The following PPP1R37 variants were observed in gnomAD, a reference collection of about 807,000 sequenced individuals.
PPP1R37 encodes protein phosphatase 1 regulatory subunit 37.
A neutral mutation model predicts 61.0 loss-of-function variants in PPP1R37; 21 were observed. That is an observed-to-expected ratio of 0.34 (90% confidence interval 0.24 to 0.50). The LOEUF (loss-of-function observed/expected upper bound fraction) is 0.50. PPP1R37 is among the 20% of genes least tolerant of loss of function. PPP1R37 has a pLI of 0.98. For synonymous variants in PPP1R37, 443 were observed against 433.5 expected, an observed-to-expected ratio of 1.02 and a Z score of -0.27; for missense variants, 910 against 952.7, an observed-to-expected ratio of 0.96 and a Z score of 0.59.
intron 1 of PPP1R37, among the ~76,000 whole-genome samples, chr19:45,109,949 T>C (rs962269930): frequency 2.0e-5 from 3 of 152,158 alleles, no homozygotes; most frequent in African/African-American, 7.2e-5. Context: ...GCCTGGACTT[T>C]TGTGTGGCTC....
At chr19:45,117,373 G>T (rs1328178516) in intron 1 of PPP1R37, among the ~76,000 whole-genome samples, 1 of 152,312 alleles carries the variant, frequency 6.6e-6, no homozygotes, top group East Asian at 1.9e-4. Context: ...TGGGCGAGCC[G>T]AGGGTGAGCC....
chr19:45,118,959 CTT>C (rs879838641), intron 1 of PPP1R37, among the ~76,000 whole-genome samples: 3 of 146,720 alleles, frequency 2.0e-5, no homozygotes, highest in Admixed American at 6.8e-5. Context: ...GCAGCTGCTG[CTT>C]TTTTTTTTTT....
chr19:45,137,833 CA>C (rs5828228), intron 1 of PPP1R37, among the ~76,000 whole-genome samples: 145 of 106,086 alleles, frequency 1.4e-3, no homozygotes, highest in South Asian at 1.6e-3. Context: ...TACAAAAATA[CA>C]AAAAAAAAAA....
intron 1 of PPP1R37, among the ~76,000 whole-genome samples, chr19:45,114,185 C>G (rs1342300995): frequency 6.6e-6 from 1 of 152,242 alleles, no homozygotes; most frequent in African/African-American, 2.4e-5. Context: ...TTGCCTGTGT[C>G]AACTGGGGTC....
Position 45,145,564 on chromosome 19 carries a change from C to G in PPP1R37, c.1508C>G (p.Pro503Arg). 1 of 1,535,424 alleles carries G rather than the reference C, an allele frequency of 6.5e-7. No homozygotes were observed. Among genetic ancestry groups the G allele is most frequent in the Non-Finnish European group, 8.7e-7 (1 of 1,146,648 alleles). Residue 503 changes from proline to arginine, a missense_variant, in exon 11 of 13, where the codon CCG becomes CGG. Physicochemically the swap from Pro to Arg is moderately radical, Grantham distance 103. Coordinates refer to ENST00000221462, the MANE Select transcript of PPP1R37 (RefSeq NM_019121.2). ...QNGAPSPAPS[P>R]DSDSDSDSDG... ...GGGGCCCCCAGCCCCGCACCCAGCC[C>G]GGACTCAGACTCAGACTCGGACTCG...
chr19:45,143,774 C>T (rs73562286), intron 8 of PPP1R37, 141 bp downstream of exon 8: 6,451 of 547,360 alleles, frequency 0.012, 293 homozygotes, highest in African/African-American at 0.11. Context: ...TCAGCCCCAC[C>T]TGCTTCCTCA....
At chr19:45,145,315 G>A in intron 10 of PPP1R37, 38 bp from the exon 11 acceptor site, 6 of 1,522,804 alleles carry the variant, frequency 3.9e-6, no homozygotes, top group Non-Finnish European at 5.3e-6. Context: ...GGGTGGTGGG[G>A]CCGGCCTGAG....
intron 2 of PPP1R37, among the ~76,000 whole-genome samples, 178 bp from the exon 3 acceptor site, chr19:45,140,058 G>C (rs943401949): frequency 6.6e-6 from 1 of 152,240 alleles, no homozygotes; most frequent in African/African-American, 2.4e-5. Flanking sequence ...TTCTCTCGCT[G>C]TCTAAGGCCC....
intron 1 of PPP1R37, among the ~76,000 whole-genome samples, chr19:45,109,982 C>A (rs766643213): frequency 9.5e-4 from 145 of 152,296 alleles, no homozygotes; most frequent in Non-Finnish European, 1.7e-3. Context: ...GGCCTCCTGT[C>A]CCCATCCAGT....
chr19:45,100,377 C>T (rs921784747), intron 1 of PPP1R37: 2 of 152,212 alleles, frequency 1.3e-5, no homozygotes, highest in Non-Finnish European at 2.9e-5. Context: ...TTCTGGCTGA[C>T]CTTAGTCATC....
chr19:45,112,684 A>G (rs1009348901), intron 1 of PPP1R37, among the ~76,000 whole-genome samples: 7 of 151,948 alleles, frequency 4.6e-5, no homozygotes, highest in African/African-American at 1.7e-4. Context: ...CCCCAGCTCT[A>G]CCTACTCTGG....
chr19:45,131,400 G>A (rs1202304643), intron 1 of PPP1R37, among the ~76,000 whole-genome samples: 3 of 152,210 alleles, frequency 2.0e-5, no homozygotes, highest in Admixed American at 1.3e-4. Flanking sequence ...GGCCAGACAA[G>A]GGAGCCGAGA....
chr19:45,112,661 G>A (rs1968216564), intron 1 of PPP1R37, among the ~76,000 whole-genome samples: 1 of 152,204 alleles, frequency 6.6e-6, no homozygotes, highest in African/African-American at 2.4e-5. Context: ...GTCTGGGTTA[G>A]GGGTTTCCTT....
chr19:45,104,848 C>T (rs936718566), intron 1 of PPP1R37, among the ~76,000 whole-genome samples: 2 of 152,134 alleles, frequency 1.3e-5, no homozygotes, highest in African/African-American at 4.8e-5. Flanking sequence ...GCAGGCAGCT[C>T]CCCACATCCT....
intron 1 of PPP1R37, among the ~76,000 whole-genome samples, chr19:45,120,935 C>T (rs1179216407): frequency 6.6e-6 from 1 of 152,200 alleles, no homozygotes; most frequent in Non-Finnish European, 1.5e-5. Flanking sequence ...GTACTTTTGA[C>T]TGGTCTTGCC....
chr19:45,105,887 A>G (rs1019079542), intron 1 of PPP1R37, among the ~76,000 whole-genome samples: 2 of 152,210 alleles, frequency 1.3e-5, no homozygotes, highest in East Asian at 1.9e-4. Flanking sequence ...ATGTTGTTCC[A>G]TTAAAATGGA....
At chr19:45,109,074 A>G (rs896724983) in intron 1 of PPP1R37, among the ~76,000 whole-genome samples, 1 of 152,102 alleles carries the variant, frequency 6.6e-6, no homozygotes, top group East Asian at 1.9e-4. Context: ...GCCCGACCTA[A>G]CCTGTTTATT....
rs779468781 is a variant in PPP1R37, at chr19:45,145,162, G to A, written c.1198G>A (p.Glu400Lys). Residue 400 changes from glutamate (E) to lysine (K), a missense_variant, in exon 10 of 13, where the codon GAG (glutamate) becomes AAG (lysine). Physicochemically the swap from Glu to Lys is moderately conservative, Grantham distance 56. This residue lies in a region of PPP1R37 where 549 missense variants were observed against 505.1 expected (regional missense o/e 1.09). Transcript: ENST00000221462. ...CCTGAGACTGGACCTTCGGGAGAAC[G>A]AGATCAAGACAGGCGGGCTCATGGC... ...RLLRLDLREN[E>K]IKTGGLMALS... 2 of 1,535,062 alleles carry A rather than the reference G, an allele frequency of 1.3e-6. No individual in the cohort carries two copies. Among genetic ancestry groups the A allele is most frequent in the African/African-American group, 1.4e-5 (1 of 72,970 alleles).
chr19:45,098,230 C>T (rs986729197), intron 1 of PPP1R37, among the ~76,000 whole-genome samples: 8 of 152,152 alleles, frequency 5.3e-5, no homozygotes, highest in Non-Finnish European at 1.0e-4. Context: ...GCGAGCTAGC[C>T]GGCTGCACTG....
Sources: gnomAD v4.1 joint callset for allele counts (sites outside exome capture counted in the v4.1 genomes callset) on GRCh38, gnomAD v4.1.1 for gene constraint, gnomAD v4.1.1 regional missense constraint, MANE v1.5 for transcripts, NCBI Gene and HGNC (gene_info 2026-07-23, HGNC 2026-07-21) for gene names.